EEIG2: variants seen among roughly 807,000 people sequenced by gnomAD.
EEIG2 encodes the protein EEIG family member 2.
chr1:108,582,513 A>G, the EEIG2 span, among the ~76,000 whole-genome samples: 3 of 152,328 alleles, frequency 2.0e-5, no homozygotes, highest in South Asian at 2.1e-4. Flanking sequence ...ACTAGATTTT[A>G]CATATCTAAA....
the EEIG2 span, among the ~76,000 whole-genome samples, chr1:108,573,047 G>A: frequency 6.6e-6 from 1 of 152,156 alleles, no homozygotes; most frequent in Non-Finnish European, 1.5e-5. Flanking sequence ...TATGAATAAA[G>A]TTGCCATACA....
At chr1:108,574,865 A>C in the EEIG2 span, among the ~76,000 whole-genome samples, 1 of 152,222 alleles carries the variant, frequency 6.6e-6, no homozygotes, top group African/African-American at 2.4e-5. Flanking sequence ...TTATTTGTAC[A>C]TTAGTATATT....
the EEIG2 span, among the ~76,000 whole-genome samples, chr1:108,585,037 T>C: frequency 6.6e-6 from 1 of 152,138 alleles, no homozygotes; most frequent in Non-Finnish European, 1.5e-5. Context: ...AATAGAAAAG[T>C]AAACAAAATC....
chr1:108,639,270 A>G, the EEIG2 span: 1 of 149,802 alleles, frequency 6.7e-6, no homozygotes, highest in Admixed American at 6.6e-5. Flanking sequence ...TATTTGTAAA[A>G]TGTTTGTAAT....
chr1:108,634,705 A>T, the EEIG2 span, among the ~76,000 whole-genome samples: 1 of 152,162 alleles, frequency 6.6e-6, no homozygotes, highest in South Asian at 2.1e-4. Flanking sequence ...AAACGCCACA[A>T]TATTATGACA....
At chr1:108,582,652 A>G in the EEIG2 span, among the ~76,000 whole-genome samples, 1 of 39,740 alleles carries the variant, frequency 2.5e-5, no homozygotes, top group Non-Finnish European at 5.3e-5. Context: ...TGGATAGAAG[A>G]CTTAACAGAA....
chr1:108,621,464 T>C, the EEIG2 span, among the ~76,000 whole-genome samples: 22 of 152,204 alleles, frequency 1.4e-4, no homozygotes, highest in Admixed American at 2.6e-4. Context: ...ATGGCTGATA[T>C]TATCAAGGGT....
chr1:108,593,606 A>G, the EEIG2 span, among the ~76,000 whole-genome samples: 8 of 152,276 alleles, frequency 5.3e-5, no homozygotes, highest in Non-Finnish European at 1.0e-4. Flanking sequence ...TTTGCCACAT[A>G]CGCTCCTGGG....
chr1:108,602,356 T>C, the EEIG2 span, among the ~76,000 whole-genome samples: 1 of 152,168 alleles, frequency 6.6e-6, no homozygotes, highest in Admixed American at 6.5e-5. Context: ...ATGCTCCCTC[T>C]GGAAGTGCTG....
At chr1:108,616,355 T>C in the EEIG2 span, 2 of 1,488,008 alleles carry the variant, frequency 1.3e-6, no homozygotes, top group Non-Finnish European at 1.9e-6. Context: ...TTTTTTATAA[T>C]CGTGATATTT....
the EEIG2 span, chr1:108,624,498 G>T: frequency 3.8e-6 from 2 of 526,516 alleles, no homozygotes; most frequent in African/African-American, 1.9e-5. Context: ...ATGCTTATAC[G>T]TTATTTGCTG....
chr1:108,593,287 C>T, the EEIG2 span, among the ~76,000 whole-genome samples: 2 of 152,216 alleles, frequency 1.3e-5, no homozygotes, highest in African/African-American at 4.8e-5. Context: ...TGAGGGTAAC[C>T]TCGAGGTCCA....
chr1:108,618,673 A>G, the EEIG2 span, among the ~76,000 whole-genome samples: 2 of 151,916 alleles, frequency 1.3e-5, no homozygotes, highest in Admixed American at 6.6e-5. Flanking sequence ...CAGGAGGATC[A>G]CTCTACAAAA....
chr1:108,631,581 G>C, the EEIG2 span, among the ~76,000 whole-genome samples: 8 of 152,090 alleles, frequency 5.3e-5, no homozygotes, highest in African/African-American at 1.4e-4. Context: ...AGGTGAATAT[G>C]ATGAATACAA....
the EEIG2 span, among the ~76,000 whole-genome samples, chr1:108,617,970 G>T: frequency 6.6e-6 from 1 of 152,084 alleles, no homozygotes; most frequent in Non-Finnish European, 1.5e-5. Context: ...TTTGAGCATG[G>T]GTTAAAGAGA....
chr1:108,566,785 A>G, the EEIG2 span, among the ~76,000 whole-genome samples: 127 of 152,298 alleles, frequency 8.3e-4, no homozygotes, highest in African/African-American at 2.9e-3. Flanking sequence ...AGGCACAGAA[A>G]GGCAAATACT....
At chr1:108,569,070 GAT>G in the EEIG2 span, among the ~76,000 whole-genome samples, 1 of 152,198 alleles carries the variant, frequency 6.6e-6, no homozygotes, top group Non-Finnish European at 1.5e-5. Flanking sequence ...ACTAATGAAA[GAT>G]ATTTGAAAAA....
chr1:108,632,012 G>C, the EEIG2 span, among the ~76,000 whole-genome samples: 2 of 151,370 alleles, frequency 1.3e-5, no homozygotes, highest in African/African-American at 4.9e-5. Context: ...TACTTGGGAG[G>C]CTGAGGCAGG....
chr1:108,629,970 T>C, the EEIG2 span: 11 of 326,624 alleles, frequency 3.4e-5, no homozygotes, highest in Non-Finnish European at 5.7e-5. Context: ...TCTTAGTCTT[T>C]CAAAACATTA....
Sources: allele counts gnomAD v4.1 joint callset (sites outside exome capture counted in the v4.1 genomes callset), GRCh38; gene constraint gnomAD v4.1.1; transcripts MANE v1.5; gene names NCBI Gene and HGNC (gene_info 2026-07-23, HGNC 2026-07-21).